The following GTSE1 variants were observed in gnomAD, a reference collection of about 807,000 sequenced individuals.
GTSE1 encodes the protein G2 and S-phase expressed 1.
Under a neutral mutation model 60.5 loss-of-function variants are expected in GTSE1, and 52 were observed. The observed-to-expected ratio is 0.86, with a 90% CI of 0.69 to 1.08. The LOEUF (loss-of-function observed/expected upper bound fraction) is 1.08. GTSE1 is among the 50% of genes least tolerant of loss of function. GTSE1 has a pLI of 0.00. For missense variants in GTSE1, 937 were observed against 961.8 expected (o/e 0.97, Z 0.34); for synonymous variants, 368 against 386.5 (o/e 0.95, Z 0.56).
Position 46,320,765 on chromosome 22 carries a change from C to T in GTSE1, c.1433-2425C>T, listed in dbSNP as rs185966515. Among the ~76,000 whole-genome samples the T allele has an allele frequency of 4.6e-5, 7 of 152,272 alleles. 1 individual carries two copies. The highest frequency in any genetic ancestry group is 4.2e-4 in the South Asian group (2 of 4,818). On this transcript the variant is annotated intron_variant, in intron 7 of 11. Coordinates refer to ENST00000454366, the MANE Select transcript of GTSE1 (RefSeq NM_016426.7). The surrounding 1 kb of genome is among the most constrained non-coding windows in gnomAD (Gnocchi z 7.1). ...ATTCTGGCTGTGGGCTTTGCCTCCC[C>T]GGTACTGGGAGCTGCAGTGGAGACG...
At chr22:46,298,860 A>G (rs1250248052) in intron 2 of GTSE1, among the ~76,000 whole-genome samples, 2 of 152,170 alleles carry the variant, frequency 1.3e-5, no homozygotes, top group Non-Finnish European at 2.9e-5. Context: ...ATGCGCATCC[A>G]CATACAGATA....
chr22:46,311,236 C>A (rs1232503408), intron 4 of GTSE1, among the ~76,000 whole-genome samples: 1 of 152,078 alleles, frequency 6.6e-6, no homozygotes, highest in East Asian at 1.9e-4. Flanking sequence ...CGCCACCACG[C>A]CCGGCTAATT....
In GTSE1 at chr22:46,308,748, C is replaced by T; in HGVS notation, c.567C>T (p.Ala189=). The change falls in exon 4 of 12, where the codon GCC becomes GCT. Residue 189 remains alanine, a synonymous_variant. Transcript: ENST00000454366. ...CTCGGCTCTTGGCCTCCTCCCCGGCCCTGCCCAGCTCTGGTGCCCAGGCCC... is the reference window on the plus strand; with the variant it reads ...CTCGGCTCTTGGCCTCCTCCCCGGCTCTGCCCAGCTCTGGTGCCCAGGCCC... ...GEPRLLASSP[A]LPSSGAQARL... 5 of 1,613,282 alleles carry T rather than the reference C, an allele frequency of 3.1e-6. No individual in the cohort carries two copies. The highest frequency in any genetic ancestry group is 4.2e-6 in the Non-Finnish European group (5 of 1,180,028).
chr22:46,321,398 T>C lies in GTSE1; in HGVS notation c.1433-1792T>C, dbSNP rs1378857064. On this transcript the variant is annotated intron_variant, in intron 7 of 11. Coordinates refer to ENST00000454366, the MANE Select transcript of GTSE1 (RefSeq NM_016426.7). This position sits in a 1 kb window ranked among gnomAD's most constrained non-coding sequence, Gnocchi z 4.0. ...CAGCCTGGGTGACAGAGCAAGACCT[T>C]GTTTCTTGTAAGAAAGAAAAGAAAC... Among the ~76,000 whole-genome samples the C allele has an allele frequency of 1.3e-5, 2 of 152,128 alleles. No individual in the cohort carries two copies. The highest frequency in any genetic ancestry group is 1.5e-5 in the Non-Finnish European group (1 of 68,030).
In GTSE1 at chr22:46,306,423, C is replaced by T. The variant is rs554312984; in HGVS notation, c.80-1727C>T. ...GTCTTGATCTCCTGACCTCGTGATC[C>T]GCCCGCCTCGGCCTCCCAAAGTGCT... On this transcript the variant is annotated intron_variant, in intron 2 of 11. Transcript: ENST00000454366. 3.0e-4 allele frequency among the ~76,000 whole-genome samples: 45 copies of T among 151,718 alleles called. No individual in the cohort carries two copies. The East Asian group carries it at 7.4e-3, about 25-fold the overall frequency.
chr22:46,308,478 G>A lies in GTSE1; in HGVS notation c.297G>A (p.Val99=). The A allele has an allele frequency of 6.2e-7, 1 of 1,614,192 alleles. No homozygotes were observed. The highest frequency in any genetic ancestry group is 8.5e-7 in the Non-Finnish European group (1 of 1,180,034). Residue 99 remains valine, a synonymous_variant, in exon 4 of 12, where the codon GTG becomes GTA. Transcript: ENST00000454366. ...GCCCTCTGGCCGGGGAGAAGTTCGT[G>A]GAGGTGTACAAAGAAGCTCACTTAC... ...AWSPLAGEKF[V]EVYKEAHLLA... is the part of the protein sequence containing the mutation.
At position 46,329,108 on chromosome 22, in the gene GTSE1, A is replaced by G. The variant is rs888898474; in HGVS notation, c.1926+219A>G. 1.6e-6 allele frequency: 1 copy of G among 621,938 alleles called. No homozygotes were observed. Among genetic ancestry groups the G allele is most frequent in the Non-Finnish European group, 2.8e-6 (1 of 352,878 alleles). 38.5% of individuals were successfully genotyped at this position (621,938 alleles called of 1,614,324 possible). ...TGACTAAGGCAAGGGTCAGGGATCA[A>G]AGCTGAGGAAGCGGGAAGCAGGGTG... On this transcript the variant is annotated intron_variant, in intron 10 of 11. Transcript: ENST00000454366. The surrounding 1 kb of genome is among the most constrained non-coding windows in gnomAD (Gnocchi z 6.4).
chr22:46,323,255 G>C lies in GTSE1; in HGVS notation c.1498G>C (p.Val500Leu). The change falls in exon 8 of 12, where the codon GTT becomes CTT. Residue 500 changes from valine (V) to leucine (L), a missense_variant. Val to Leu is a conservative substitution (Grantham distance 32). Transcript: ENST00000454366. ...ACAGCGGCCGCAGTCGTGCACGTCA[G>C]TTGGCAGGTGAGTGACGTTGGTCCG... The part of the protein sequence containing the change: ...RAQRPQSCTS[V>L]GRVTVHSTPV... The C allele has an allele frequency of 6.2e-7, 1 of 1,612,268 alleles. No individual in the cohort carries two copies. Among genetic ancestry groups the C allele is most frequent in the Non-Finnish European group, 8.5e-7 (1 of 1,178,250 alleles).
intron 9 of GTSE1, chr22:46,327,353 T>G (rs2077850051): frequency 6.6e-6 from 1 of 152,032 alleles, no homozygotes; most frequent in South Asian, 2.1e-4. Context: ...TGTATAACCT[T>G]TGAAACAGAT....
chr22:46,325,608 A>T (rs1198877343), intron 8 of GTSE1, among the ~76,000 whole-genome samples: 1 of 151,560 alleles, frequency 6.6e-6, no homozygotes, highest in Non-Finnish European at 1.5e-5. Context: ...TGATCCTCAC[A>T]CTCCAGCCTC....
Position 46,329,630 on chromosome 22 carries a change from C to A in GTSE1, c.2136+63C>A. 2 of 1,345,372 alleles carry A rather than the reference C, an allele frequency of 1.5e-6. No homozygotes were observed. Among genetic ancestry groups the A allele is most frequent in the Non-Finnish European group, 2.1e-6 (2 of 938,282 alleles). The allele number at this position is 1,345,372 out of a possible 1,614,324, so 83.3% of individuals were successfully genotyped here. A position where few individuals can be genotyped will look rare whatever the true frequency, so the allele number is the denominator to read the frequency against. ...GGGTGTCCTCAGTTCTGGGATTGTT[C>A]ATCCTCCCAGGGCCATCGTGGGACC... On this transcript the variant is annotated intron_variant, in intron 11 of 11. Transcript: ENST00000454366. The surrounding 1 kb of genome is among the most constrained non-coding windows in gnomAD (Gnocchi z 6.4).
intron 8 of GTSE1, among the ~76,000 whole-genome samples, chr22:46,326,072 A>G (rs986622711): frequency 3.9e-5 from 6 of 152,260 alleles, no homozygotes; most frequent in Admixed American, 3.3e-4. Flanking sequence ...GGCAATATCT[A>G]TGACACCAAC....
rs539597315 is a variant in GTSE1, at chr22:46,314,515, G to A, written c.1051+502G>A. Among the ~76,000 whole-genome samples, 2 of 152,086 alleles carry A rather than the reference G, an allele frequency of 1.3e-5. No homozygotes were observed. The highest frequency in any genetic ancestry group is 1.3e-4 in the Admixed American group (2 of 15,268). On this transcript the variant is annotated intron_variant, in intron 6 of 11. Coordinates refer to ENST00000454366, the MANE Select transcript of GTSE1 (RefSeq NM_016426.7). This position sits in a 1 kb window ranked among gnomAD's most constrained non-coding sequence, Gnocchi z 7.1. Reference sequence around the variant, plus strand: ...TGCTCTTCAGAGCGAAATCCTCTTCGAGGTGCATTGGCCATGTGGCGTCTC... The same window carrying A: ...TGCTCTTCAGAGCGAAATCCTCTTCAAGGTGCATTGGCCATGTGGCGTCTC...
intron 6 of GTSE1, among the ~76,000 whole-genome samples, chr22:46,315,472 G>A (rs113417347): frequency 0.067 from 10,079 of 151,164 alleles, 655 homozygotes; most frequent in African/African-American, 0.17. Flanking sequence ...TGGATTACAG[G>A]CGTGAGCCAC....
At chr22:46,299,263 C>A (rs560929892) in intron 2 of GTSE1, among the ~76,000 whole-genome samples, 3 of 152,238 alleles carry the variant, frequency 2.0e-5, no homozygotes, top group Non-Finnish European at 4.4e-5. Flanking sequence ...GCTCTGGGAC[C>A]GCTTTGTGCT....
rs950539226 is a variant in GTSE1, at chr22:46,330,183, C to G, written c.*53C>G. 18 of 1,081,756 alleles carry G rather than the reference C, an allele frequency of 1.7e-5. No homozygotes were observed. Among genetic ancestry groups the G allele is most frequent in the African/African-American group, 4.6e-5 (3 of 64,922 alleles). The allele number at this position is 1,081,756 out of a possible 1,614,324, so 67.0% of individuals were successfully genotyped here. A position where few individuals can be genotyped will look rare whatever the true frequency, so the allele number is the denominator to read the frequency against. ...AACAGCCCTAAAGTGGTTTTCAACC[C>G]TCAGAAACAAGCTTTAGGCTGGTCG... On this transcript the variant is annotated 3_prime_UTR_variant, in exon 12 of 12. Coordinates refer to ENST00000454366, the MANE Select transcript of GTSE1 (RefSeq NM_016426.7). The surrounding 1 kb of genome is among the most constrained non-coding windows in gnomAD (Gnocchi z 6.0).
rs547345933 is a variant in GTSE1 at position 46,306,307 on chromosome 22, G to A, written c.80-1843G>A. On this transcript the variant is annotated intron_variant, in intron 2 of 11. Coordinates refer to ENST00000454366, the MANE Select transcript of GTSE1 (RefSeq NM_016426.7). ...CGCCATTCTCCTGCCTCAGCCTCCC[G>A]AGTAGCTGGGACTACAGGCACCTGC... 3.1e-3 allele frequency among the ~76,000 whole-genome samples: 427 copies of A among 136,666 alleles called. 2 individuals are homozygous for A. The highest frequency in any genetic ancestry group is 0.011 in the African/African-American group (403 of 36,152). The allele number at this position is 136,666 out of a possible 152,430, so 89.7% of individuals were successfully genotyped here. A position where few individuals can be genotyped will look rare whatever the true frequency, so the allele number is the denominator to read the frequency against.
chr22:46,328,848 C>G lies in GTSE1; in HGVS notation c.1885C>G (p.Arg629Gly). Reference sequence around the variant, plus strand: ...CAAAAGTACTGCCACAGAAGTAGCTCGGGAGGAAGCCAAGCCGGGTGGAGA... The same window carrying G: ...CAAAAGTACTGCCACAGAAGTAGCTGGGGAGGAAGCCAAGCCGGGTGGAGA... ...FSKSTATEVA[R>G]EEAKPGGDAA... Residue 629 changes from arginine to glycine, a missense_variant, in exon 10 of 12, where the codon CGG becomes GGG. By Grantham distance (125) the Arg-to-Gly change is moderately radical. Transcript: ENST00000454366. The G allele has an allele frequency of 1.9e-6, 3 of 1,613,916 alleles. No homozygotes were observed. The highest frequency in any genetic ancestry group is 2.2e-5 in the South Asian group (2 of 91,078).
At chr22:46,299,055 G>A (rs921136659) in intron 2 of GTSE1, among the ~76,000 whole-genome samples, 10 of 152,170 alleles carry the variant, frequency 6.6e-5, no homozygotes, top group African/African-American at 1.7e-4. Context: ...AGTCGTTGAC[G>A]ACTTCCACAT....
Sources: allele counts gnomAD v4.1 joint callset (sites outside exome capture counted in the v4.1 genomes callset), GRCh38; gene constraint gnomAD v4.1.1; non-coding constraint Gnocchi (gnomAD v3.1); transcripts MANE v1.5; gene names NCBI Gene and HGNC (gene_info 2026-07-23, HGNC 2026-07-21).